CSMD1: variants seen among roughly 807,000 people sequenced by gnomAD.
CSMD1 encodes CUB and sushi domain-containing protein 1.
Under a neutral mutation model 417.5 loss-of-function variants are expected in CSMD1, and 213 were observed. The ratio of observed to expected loss-of-function variants is 0.51; its 90% CI spans 0.46 to 0.57. CSMD1 has a LOEUF of 0.57. Ranked by LOEUF, CSMD1 falls within the 20% of genes least tolerant of loss-of-function variation. The pLI is 0.00. For missense variants in CSMD1, 6,923 were observed against 4,529.7 expected (o/e 1.53, Z -15.17); for synonymous variants, 2,862 against 1,736.8 (o/e 1.65, Z -16.11).
intron 3 of CSMD1, among the ~76,000 whole-genome samples, chr8:4,169,878 A>G (rs1563217087): frequency 6.7e-6 from 1 of 149,598 alleles, no homozygotes; most frequent in South Asian, 2.1e-4. Context: ...TGTGTAATTT[A>G]CTTCTGTTTT....
intron 5 of CSMD1, among the ~76,000 whole-genome samples, chr8:3,943,252 A>T (rs1214721940): frequency 6.6e-6 from 1 of 152,052 alleles, no homozygotes; most frequent in Non-Finnish European, 1.5e-5. Flanking sequence ...ATTTTAAATA[A>T]TTTTAGTTCT....
chr8:4,711,562 G>A (rs1808300179), intron 1 of CSMD1, among the ~76,000 whole-genome samples: 1 of 151,934 alleles, frequency 6.6e-6, no homozygotes, highest in East Asian at 1.9e-4. Context: ...ACAAAGGACA[G>A]AGAAATTTGA....
intron 2 of CSMD1, among the ~76,000 whole-genome samples, chr8:4,621,169 T>A (rs1793057412): frequency 6.6e-6 from 1 of 152,060 alleles, no homozygotes; most frequent in Non-Finnish European, 1.5e-5. Flanking sequence ...TTGGAATATA[T>A]GCAGACCTAT....
intron 1 of CSMD1, among the ~76,000 whole-genome samples, chr8:4,751,558 C>T (rs1811328984): frequency 6.6e-6 from 1 of 152,066 alleles, no homozygotes; most frequent in South Asian, 2.1e-4. Context: ...ATTTTATGAT[C>T]CTAATAGCTT....
chr8:4,068,891 A>C (rs941453922), intron 3 of CSMD1, among the ~76,000 whole-genome samples: 3 of 152,240 alleles, frequency 2.0e-5, no homozygotes, highest in Non-Finnish European at 4.4e-5. Flanking sequence ...GTATGTAAAA[A>C]TATGGTTATA....
rs184170642 is a variant in CSMD1 at position 3,837,727 on chromosome 8, C to G, written c.819-83685G>C. Among the ~76,000 whole-genome samples the G allele has an allele frequency of 1.4e-3, 220 of 152,208 alleles. 5 individuals are homozygous for G. Among genetic ancestry groups the G allele is most frequent in the Admixed American group, 0.013 (200 of 15,264 alleles). On this transcript the variant is annotated intron_variant, in intron 5 of 69. Transcript: ENST00000635120. ...GAGGTTGAGAACACATAACTACCCT[C>G]TCCTTAAAATCCTCCTGGCTCCTCC...
At chr8:4,108,981 G>C (rs951663080) in intron 3 of CSMD1, among the ~76,000 whole-genome samples, 1 of 152,082 alleles carries the variant, frequency 6.6e-6, no homozygotes, top group Non-Finnish European at 1.5e-5. Context: ...CAGTTTTTCC[G>C]AATTATCTGG....
At chr8:4,475,474 T>A (rs747675711) in intron 2 of CSMD1, among the ~76,000 whole-genome samples, 5 of 152,170 alleles carry the variant, frequency 3.3e-5, no homozygotes, top group Non-Finnish European at 7.3e-5. Flanking sequence ...TGATTCTCGA[T>A]ACAGAGAACC....
intron 54 of CSMD1, among the ~76,000 whole-genome samples, chr8:2,987,806 C>G (rs1228741445): frequency 6.6e-6 from 1 of 152,208 alleles, no homozygotes; most frequent in African/African-American, 2.4e-5. Context: ...TCCCTGGGCT[C>G]ACACCAACCT....
chr8:3,667,507 T>G (rs1052889295), intron 7 of CSMD1, among the ~76,000 whole-genome samples: 3 of 151,922 alleles, frequency 2.0e-5, no homozygotes, highest in Non-Finnish European at 2.9e-5. Context: ...TGGAGCCAAC[T>G]AGGGGATGGG....
chr8:3,925,619 A>G (rs1206185150), intron 5 of CSMD1, among the ~76,000 whole-genome samples: 2 of 152,048 alleles, frequency 1.3e-5, no homozygotes. Context: ...GCAACAGTGA[A>G]TAAGTCTCAT....
At chr8:4,827,999 A>C (rs1381873076) in intron 1 of CSMD1, among the ~76,000 whole-genome samples, 1 of 152,204 alleles carries the variant, frequency 6.6e-6, no homozygotes, top group Non-Finnish European at 1.5e-5. Flanking sequence ...AAACTTTATA[A>C]TGCAAAATGC....
intron 3 of CSMD1, among the ~76,000 whole-genome samples, chr8:4,267,672 G>C (rs1246044040): frequency 1.1e-4 from 16 of 151,874 alleles, no homozygotes; most frequent in Non-Finnish European, 1.8e-4. Context: ...TTAGGCTTTG[G>C]CTTCACTCCC....
Position 4,104,852 on chromosome 8 carries a change from A to G in CSMD1, c.416-72753T>C, listed in dbSNP as rs552598507. On this transcript the variant is annotated intron_variant, in intron 3 of 69. Transcript: ENST00000635120. ...TTGAGATCAAAGCCTCTGAGTGCTT[A>G]GCCTTACATTTTTAGGTATTACTTT... Among the ~76,000 whole-genome samples, 13 of 152,338 alleles carry G rather than the reference A, an allele frequency of 8.5e-5. No individual in the cohort carries two copies. In the South Asian group the frequency reaches 2.7e-3, roughly 32 times the overall value.
intron 10 of CSMD1, among the ~76,000 whole-genome samples, chr8:3,505,633 T>C (rs370273901): frequency 4.6e-5 from 7 of 152,084 alleles, no homozygotes; most frequent in African/African-American, 1.7e-4. Context: ...TTTGAGGAAA[T>C]ACAAATCAAA....
chr8:3,459,082 C>A (rs943123548), intron 12 of CSMD1, among the ~76,000 whole-genome samples: 1 of 152,174 alleles, frequency 6.6e-6, no homozygotes, highest in East Asian at 1.9e-4. Flanking sequence ...TGGGGGAGAA[C>A]GATGGATGGG....
At chr8:3,067,240 C>T (rs537806023) in intron 49 of CSMD1, among the ~76,000 whole-genome samples, 7 of 152,270 alleles carry the variant, frequency 4.6e-5, no homozygotes, top group African/African-American at 1.7e-4. Flanking sequence ...TACTCTGTCT[C>T]TTATCGTGAC....
At position 3,507,228 on chromosome 8, in the gene CSMD1, T is replaced by A. The variant is rs140535532; in HGVS notation, c.1345-13502A>T. 4.2e-4 allele frequency among the ~76,000 whole-genome samples: 64 copies of A among 152,316 alleles called. 1 individual carries two copies. In the East Asian group the frequency reaches 0.011, roughly 27 times the overall value. On this transcript the variant is annotated intron_variant, in intron 10 of 69. Coordinates refer to ENST00000635120, the MANE Select transcript of CSMD1 (RefSeq NM_033225.6). ...CTATTTTGTAACATTAGGTAACCTA[T>A]ACAATATTTTTTTTGTAGAAGTAAA...
At chr8:3,948,119 C>T (rs1036434654) in intron 5 of CSMD1, among the ~76,000 whole-genome samples, 15 of 152,102 alleles carry the variant, frequency 9.9e-5, no homozygotes, top group African/African-American at 3.4e-4. Flanking sequence ...GGCAGGATAA[C>T]TGCTTTAACC....
Sources: gnomAD v4.1 joint callset for allele counts (sites outside exome capture counted in the v4.1 genomes callset) on GRCh38, gnomAD v4.1.1 for gene constraint, MANE v1.5 for transcripts, NCBI Gene and HGNC (gene_info 2026-07-23, HGNC 2026-07-21) for gene names.